NUP210L: variants seen among roughly 807,000 people sequenced by gnomAD.
The protein encoded by NUP210L is nucleoporin 210 like, also known as nuclear pore membrane glycoprotein 210-like.
In NUP210L, 74 loss-of-function variants were observed where a neutral mutation model predicts 208.5. That is an observed-to-expected ratio of 0.35 (90% CI 0.29 to 0.43). The LOEUF is 0.43. NUP210L is among the 20% of genes least tolerant of loss of function. The pLI is 1.00. For synonymous variants in NUP210L, 780 were observed against 816.9 expected, an observed-to-expected ratio of 0.95 and a Z score of 0.77; for missense variants, 1,843 against 2,289.4, an observed-to-expected ratio of 0.81 and a Z score of 3.98.
exon 36 of NUP210L, chr1:154,001,856 C>T (rs755984271): frequency 5.6e-6 from 9 of 1,614,116 alleles, no homozygotes; most frequent in Admixed American, 3.3e-5. Flanking sequence ...AATGAGGATT[C>T]GTTGCATTCC....
chr1:154,022,095 T>C (rs779841534), intron 32 of NUP210L, 31 bp downstream of exon 32: 1 of 1,536,552 alleles, frequency 6.5e-7, no homozygotes, highest in South Asian at 1.1e-5. Flanking sequence ...AACTATCAAT[T>C]GTAAGTTTGA....
At chr1:154,089,217 C>A (rs1389252128) in intron 16 of NUP210L, among the ~76,000 whole-genome samples, 3 of 152,040 alleles carry the variant, frequency 2.0e-5, no homozygotes, top group Non-Finnish European at 4.4e-5. Context: ...GAAATGGGAA[C>A]CCTTGTGCAC....
chr1:153,997,987 C>T (rs754932926), intron 37 of NUP210L, among the ~76,000 whole-genome samples: 24 of 151,928 alleles, frequency 1.6e-4, no homozygotes, highest in Non-Finnish European at 2.8e-4. Context: ...GGATTACAGG[C>T]TTGAGCCACT....
intron 27 of NUP210L, among the ~76,000 whole-genome samples, chr1:154,038,352 T>TTTC (rs1234514578): frequency 1.3e-5 from 2 of 150,970 alleles, no homozygotes; most frequent in African/African-American, 4.8e-5. Context: ...TTTTTTTTTT[T>TTTC]TATTTTTGAG....
chr1:154,084,149 C>T (rs1655505454), intron 16 of NUP210L, among the ~76,000 whole-genome samples: 1 of 149,590 alleles, frequency 6.7e-6, no homozygotes, highest in Admixed American at 6.7e-5. Flanking sequence ...AAGCAATCCT[C>T]CCACCTCAGC....
At chr1:154,032,023 C>T (rs1247871627) in intron 27 of NUP210L, among the ~76,000 whole-genome samples, 1 of 152,240 alleles carries the variant, frequency 6.6e-6, no homozygotes, top group East Asian at 1.9e-4. Flanking sequence ...AGTTACGGCG[C>T]CCAGCCATCT....
chr1:153,995,713 A>G (rs1305719476), intron 37 of NUP210L: 1 of 953,084 alleles, frequency 1.0e-6, no homozygotes, highest in Non-Finnish European at 1.7e-6. Flanking sequence ...AACCCTTGGT[A>G]ATAGAATTGT....
chr1:154,139,855 T>A, exon 5 of NUP210L: 1 of 1,613,852 alleles, frequency 6.2e-7, no homozygotes, highest in Non-Finnish European at 8.5e-7. Context: ...CCAGTTCTAA[T>A]CCCAGACACT....
At chr1:154,048,011 A>C (rs1653283433) in intron 25 of NUP210L, among the ~76,000 whole-genome samples, 3 of 152,214 alleles carry the variant, frequency 2.0e-5, no homozygotes, top group African/African-American at 7.2e-5. Context: ...CAATGGAACA[A>C]GTGTGGGCTC....
intron 35 of NUP210L, 118 bp from the exon 36 acceptor site, chr1:154,002,103 T>C (rs1650254460): frequency 9.1e-7 from 1 of 1,100,102 alleles, no homozygotes; most frequent in Non-Finnish European, 1.3e-6. Context: ...AAAATGTGAA[T>C]TTAGTTTTGA....
intron 15 of NUP210L, among the ~76,000 whole-genome samples, chr1:154,092,535 A>AGTTTTTT (rs1430053124): frequency 1.4e-5 from 2 of 143,052 alleles, no homozygotes; most frequent in Non-Finnish European, 1.5e-5. Flanking sequence ...ATACCTGGCT[A>AGTTTTTT]GTTTTTTGTT....
intron 2 of NUP210L, among the ~76,000 whole-genome samples, chr1:154,152,016 G>A (rs2148164251): frequency 6.8e-6 from 1 of 147,270 alleles, no homozygotes; most frequent in African/African-American, 2.5e-5. Flanking sequence ...CTTGAACCTG[G>A]GAGACAGAGG....
intron 37 of NUP210L, among the ~76,000 whole-genome samples, chr1:153,998,289 TTACGCCTG>T (rs1044448889): frequency 1.3e-5 from 2 of 152,124 alleles, no homozygotes; most frequent in Non-Finnish European, 2.9e-5. Context: ...GCGCAGTAAC[TTACGCCTG>T]TAATCCCATC....
chr1:153,994,513 T>G (rs1028512695), intron 38 of NUP210L, among the ~76,000 whole-genome samples: 2 of 151,596 alleles, frequency 1.3e-5, no homozygotes, highest in African/African-American at 4.8e-5. Context: ...AGTTTCACCA[T>G]GTTGGCCAGG....
At chr1:154,068,604 C>T (rs1356222200) in intron 17 of NUP210L, among the ~76,000 whole-genome samples, 1 of 152,038 alleles carries the variant, frequency 6.6e-6, no homozygotes, top group Admixed American at 6.6e-5. Context: ...GGCGTGAACC[C>T]GGGAGGTGGA....
chr1:154,006,747 G>A (rs1650546687), intron 35 of NUP210L, among the ~76,000 whole-genome samples: 1 of 146,324 alleles, frequency 6.8e-6, no homozygotes, highest in East Asian at 2.0e-4. Context: ...TGCCTGCCTC[G>A]GCCTCCCAAA....
intron 12 of NUP210L, among the ~76,000 whole-genome samples, chr1:154,116,755 T>C (rs925631644): frequency 6.6e-6 from 1 of 151,684 alleles, no homozygotes; most frequent in Non-Finnish European, 1.5e-5. Context: ...AGGAGAAAAA[T>C]AGGAAAATGG....
chr1:154,076,238 G>A (rs1220307494), intron 16 of NUP210L, among the ~76,000 whole-genome samples: 1 of 151,462 alleles, frequency 6.6e-6, no homozygotes, highest in African/African-American at 2.4e-5. Flanking sequence ...CTAGTAGCTG[G>A]GACTACAGGC....
chr1:154,127,072 C>G (rs1658016493), intron 9 of NUP210L, among the ~76,000 whole-genome samples: 1 of 147,228 alleles, frequency 6.8e-6, no homozygotes, highest in Non-Finnish European at 1.5e-5. Flanking sequence ...CACCACTGTA[C>G]TCCAGTCTGG....
Sources: gnomAD v4.1 joint callset for allele counts (sites outside exome capture counted in the v4.1 genomes callset) on GRCh38, gnomAD v4.1.1 for gene constraint, MANE v1.5 for transcripts, NCBI Gene and HGNC (gene_info 2026-07-23, HGNC 2026-07-21) for gene names.